RAB21: variants seen among roughly 807,000 people sequenced by gnomAD.
The protein encoded by RAB21 is RAB21, member RAS oncogene family, also known as ras-related protein Rab-21.
In RAB21, 13 loss-of-function variants were observed where a neutral mutation model predicts 33.1. That is an observed-to-expected ratio of 0.39 (90% CI 0.26 to 0.62). RAB21 has a LOEUF of 0.62. RAB21 is among the 20% of genes least tolerant of loss of function. RAB21 has a pLI of 0.48. For synonymous variants in RAB21, 91 were observed against 103.7 expected (o/e 0.88, Z 0.74); for missense variants, 234 against 279.1 (o/e 0.84, Z 1.15).
Position 71,755,127 on chromosome 12 carries a change from G to C in RAB21, c.-3G>C. 11 of 1,212,326 alleles carry C rather than the reference G, an allele frequency of 9.1e-6. No homozygotes were observed. The highest frequency in any genetic ancestry group is 1.0e-5 in the Non-Finnish European group (10 of 976,270). 75.1% of individuals were successfully genotyped at this position (1,212,326 alleles called of 1,614,324 possible). On this transcript the variant is annotated 5_prime_UTR_variant, in exon 1 of 7. Coordinates refer to ENST00000261263, the MANE Select transcript of RAB21 (RefSeq NM_014999.4). Reference sequence around the variant, plus strand: ...CGGGCTCGGGCGGCCGGGAAGCGACGGGATGGCTGCGGCCGGCGGCGGCGG... The same window carrying C: ...CGGGCTCGGGCGGCCGGGAAGCGACCGGATGGCTGCGGCCGGCGGCGGCGG...
rs148854822 is a variant in RAB21 at position 71,780,981 on chromosome 12, G to A, written c.392-1050G>A. ...TTTTATTACCTTTAGCACTCTGGGT[G>A]TCCAGCCAACTCATCTTAAGTTCAA... is the stretch of plus-strand genomic sequence containing the variant. On this transcript the variant is annotated intron_variant, in intron 4 of 6. Transcript: ENST00000261263. Among the ~76,000 whole-genome samples, 1,053 of 152,174 alleles carry A rather than the reference G, an allele frequency of 6.9e-3. 4 individuals carry two copies. Among genetic ancestry groups the A allele is most frequent in the Admixed American group, 0.013 (201 of 15,290 alleles).
chr12:71,800,186 CTT>C lies in RAB21; in HGVS notation c.*14515_*14516del, dbSNP rs1883520500. 1 of 152,126 alleles carries C rather than the reference CTT, an allele frequency of 6.6e-6. No individual in the cohort carries two copies. The highest frequency in any genetic ancestry group is 2.4e-5 in the African/African-American group (1 of 41,428). The allele number at this position is 152,126 out of a possible 1,614,324, so 9.4% of individuals were successfully genotyped here. On this transcript the variant is annotated 3_prime_UTR_variant, in exon 7 of 7. Transcript: ENST00000261263. ...CATCATTCCACAAAATTTCCTTACA[CTT>C]TCTTGTAATCCCTTCTCCCTCCCAT...
In RAB21 at chr12:71,796,047, A is replaced by T. The variant is rs1366528621; in HGVS notation, c.*10374A>T. 1 of 137,720 alleles carries T rather than the reference A, an allele frequency of 7.3e-6. No individual in the cohort carries two copies. Among genetic ancestry groups the T allele is most frequent in the Non-Finnish European group, 1.5e-5 (1 of 66,066 alleles). The allele number at this position is 137,720 out of a possible 1,614,324, so 8.5% of individuals were successfully genotyped here. The stretch of plus-strand genomic sequence containing the variant: ...ATGTACATACTCGCCAAGAAATGCT[A>T]CAAGGAGCCTCTCTGCAAATGCCTG... On this transcript the variant is annotated 3_prime_UTR_variant, in exon 7 of 7. Transcript: ENST00000261263.
At chr12:71,773,849 A>G in intron 3 of RAB21, 110 bp from the exon 4 acceptor site, 1 of 716,742 alleles carries the variant, frequency 1.4e-6, no homozygotes, top group Non-Finnish European at 2.3e-6. Context: ...ACTAAATAAT[A>G]TAGACTCTTA....
rs1435650644 is a variant in RAB21, at chr12:71,793,135, GCA to G, written c.*7463_*7464del. ...CTGATGCCTCCTGCTTATTTAGACA[GCA>G]GCCATTTTTGTTTGGTTTGGTTTGG... On this transcript the variant is annotated 3_prime_UTR_variant, in exon 7 of 7. Coordinates refer to ENST00000261263, the MANE Select transcript of RAB21 (RefSeq NM_014999.4). 2.6e-5 allele frequency: 4 copies of G among 152,142 alleles called. No individual in the cohort carries two copies. Among genetic ancestry groups the G allele is most frequent in the Non-Finnish European group, 5.9e-5 (4 of 68,024 alleles). 9.4% of individuals were successfully genotyped at this position (152,142 alleles called of 1,614,324 possible). A position where few individuals can be genotyped will look rare whatever the true frequency, so the allele number is the denominator to read the frequency against.
intron 1 of RAB21, among the ~76,000 whole-genome samples, chr12:71,766,053 G>T (rs953158580): frequency 6.6e-6 from 1 of 151,968 alleles, no homozygotes; most frequent in African/African-American, 2.4e-5. Context: ...ATTTACTAGG[G>T]ATCCTTTGAT....
intron 4 of RAB21, among the ~76,000 whole-genome samples, chr12:71,775,923 T>TG (rs1042217593): frequency 2.6e-5 from 4 of 152,186 alleles, no homozygotes; most frequent in African/African-American, 7.2e-5. Flanking sequence ...GGGCAAGTCT[T>TG]GGGGGAAAAA....
intron 1 of RAB21, among the ~76,000 whole-genome samples, chr12:71,769,229 ACC>A (rs1883005344): frequency 6.6e-6 from 1 of 151,992 alleles, no homozygotes; most frequent in Non-Finnish European, 1.5e-5. Context: ...ATTTGGCAAG[ACC>A]CTCCATTTTA....
rs1222734754 is a variant in RAB21 at position 71,794,736 on chromosome 12, CT to C, written c.*9064del. ...TACAAGCGTGAGCCACCGAGCCCAG[CT>C]ATATTTATAAATTTATATATATTTC... On this transcript the variant is annotated 3_prime_UTR_variant, in exon 7 of 7. Transcript: ENST00000261263. 1 of 145,940 alleles carries C rather than the reference CT, an allele frequency of 6.9e-6. No homozygotes were observed. The highest frequency in any genetic ancestry group is 1.5e-5 in the Non-Finnish European group (1 of 66,670). 9.0% of individuals were successfully genotyped at this position (145,940 alleles called of 1,614,324 possible).
Position 71,790,505 on chromosome 12 carries a change from G to T in RAB21, c.*4832G>T, listed in dbSNP as rs1275645972. On this transcript the variant is annotated 3_prime_UTR_variant, in exon 7 of 7. Transcript: ENST00000261263. ...AGCAAGCTATTTTAAGGAAATCATT[G>T]TATGTGGTACTTCCTAGAAATATGA... 2 of 152,120 alleles carry T rather than the reference G, an allele frequency of 1.3e-5. No homozygotes were observed. The highest frequency in any genetic ancestry group is 2.4e-5 in the African/African-American group (1 of 41,424). The allele number at this position is 152,120 out of a possible 1,614,324, so 9.4% of individuals were successfully genotyped here.
At position 71,755,335 on chromosome 12, in the gene RAB21, C is replaced by G. The variant is rs1486188092; in HGVS notation, c.159+47C>G. 10 of 1,445,202 alleles carry G rather than the reference C, an allele frequency of 6.9e-6. No individual in the cohort carries two copies. The East Asian group carries it at 3.1e-4, about 44-fold the overall frequency. 89.5% of individuals were successfully genotyped at this position (1,445,202 alleles called of 1,614,324 possible). ...AGGGGGCGCCTCAGGGCCCCTACCC[C>G]TCCGGGGCTGGGGAAACTTTGCCGC... is the stretch of plus-strand genomic sequence containing the variant. On this transcript the variant is annotated intron_variant, in intron 1 of 6. Transcript: ENST00000261263.
chr12:71,762,498 G>A (rs1012137992), intron 1 of RAB21, among the ~76,000 whole-genome samples: 8 of 151,730 alleles, frequency 5.3e-5, no homozygotes, highest in African/African-American at 1.9e-4. Context: ...GTAGAGACGG[G>A]GTTTCACCGT....
In RAB21 at chr12:71,799,570, T is replaced by C. The variant is rs1293904874; in HGVS notation, c.*13897T>C. ...AGTATTGTTTGTAAATTGACACCAG[T>C]AGGGGAATAGTAAAATCAATTACTA... On this transcript the variant is annotated 3_prime_UTR_variant, in exon 7 of 7. Transcript: ENST00000261263. 1.3e-5 allele frequency: 2 copies of C among 152,062 alleles called. No homozygotes were observed. Among genetic ancestry groups the C allele is most frequent in the African/African-American group, 2.4e-5 (1 of 41,404 alleles). The allele number at this position is 152,062 out of a possible 1,614,324, so 9.4% of individuals were successfully genotyped here. A position where few individuals can be genotyped will look rare whatever the true frequency, so the allele number is the denominator to read the frequency against.
In RAB21 at chr12:71,785,783, T is replaced by C. The variant is rs985604529; in HGVS notation, c.*110T>C. On this transcript the variant is annotated 3_prime_UTR_variant, in exon 7 of 7. Coordinates refer to ENST00000261263, the MANE Select transcript of RAB21 (RefSeq NM_014999.4). Reference sequence around the variant, plus strand: ...TTATTTTACCAATGGAATTATAGAATTAACAGTATTTTAAATTACGTTTAT... The same window carrying C: ...TTATTTTACCAATGGAATTATAGAACTAACAGTATTTTAAATTACGTTTAT... 3.8e-6 allele frequency: 5 copies of C among 1,301,130 alleles called. No individual in the cohort carries two copies. The African/African-American group carries it at 7.4e-5, about 19-fold the overall frequency. 80.6% of individuals were successfully genotyped at this position (1,301,130 alleles called of 1,614,324 possible).
At chr12:71,769,754 C>A in intron 1 of RAB21, 46 bp from the exon 2 acceptor site, 3 of 1,038,550 alleles carry the variant, frequency 2.9e-6, no homozygotes, top group Admixed American at 2.8e-5. Context: ...GGATAAAGAA[C>A]CTTATTTTAT....
intron 1 of RAB21, among the ~76,000 whole-genome samples, chr12:71,768,765 G>A (rs1426174542): frequency 6.6e-6 from 1 of 152,122 alleles, no homozygotes; most frequent in Admixed American, 6.6e-5. Context: ...AGGAAAAAAA[G>A]GTTCAGTGCT....
At chr12:71,769,767 G>T in intron 1 of RAB21, 33 bp from the exon 2 acceptor site, 1 of 1,120,056 alleles carries the variant, frequency 8.9e-7, no homozygotes. Flanking sequence ...TATTTTATAA[G>T]AAACATTGTT....
intron 4 of RAB21, among the ~76,000 whole-genome samples, chr12:71,774,496 C>T (rs575468837): frequency 1.3e-4 from 19 of 151,340 alleles, no homozygotes; most frequent in Admixed American, 7.2e-4. Flanking sequence ...CAGTGGCTCA[C>T]GCCTGTGATC....
Position 71,799,683 on chromosome 12 carries a change from T to A in RAB21, c.*14010T>A, listed in dbSNP as rs980091371. 1.3e-5 allele frequency: 2 copies of A among 152,156 alleles called. No individual in the cohort carries two copies. The highest frequency in any genetic ancestry group is 4.1e-4 in the South Asian group (2 of 4,830). 9.4% of individuals were successfully genotyped at this position (152,156 alleles called of 1,614,324 possible). A position where few individuals can be genotyped will look rare whatever the true frequency, so the allele number is the denominator to read the frequency against. The stretch of plus-strand genomic sequence containing the variant: ...TAAAAGAAACCATCAACAGGAATAT[T>A]AAGTTTTTAAAAAAAGCCAGGGCAG... On this transcript the variant is annotated 3_prime_UTR_variant, in exon 7 of 7. Coordinates refer to ENST00000261263, the MANE Select transcript of RAB21 (RefSeq NM_014999.4).
Sources: gnomAD v4.1 joint callset for allele counts (sites outside exome capture counted in the v4.1 genomes callset) on GRCh38, gnomAD v4.1.1 for gene constraint, MANE v1.5 for transcripts, NCBI Gene and HGNC (gene_info 2026-07-23, HGNC 2026-07-21) for gene names.